VWC2: variants seen among roughly 807,000 people sequenced by gnomAD.
VWC2 encodes brorin.
VWC2 carries 14 observed loss-of-function variants against 29.8 expected under a neutral mutation model. The observed-to-expected ratio is 0.47, with a 90% CI of 0.31 to 0.74. The LOEUF is 0.74. Among genes scored for constraint, VWC2 ranks in the 30% least tolerant of loss-of-function variants. The pLI, the probability that VWC2 is intolerant of heterozygous loss-of-function variation, is 0.05. For missense variants in VWC2, 457 were observed against 459.8 expected (o/e 0.99, Z 0.05); for synonymous variants, 213 against 199.0 (o/e 1.07, Z -0.59).
At chr7:49,867,251 G>A (rs1323500274) in intron 3 of VWC2, among the ~76,000 whole-genome samples, 1 of 152,122 alleles carries the variant, frequency 6.6e-6, no homozygotes, top group Non-Finnish European at 1.5e-5. Flanking sequence ...ATATGATATT[G>A]ACCAAACTAT....
intron 3 of VWC2, among the ~76,000 whole-genome samples, chr7:49,862,868 T>C (rs1342889448): frequency 6.6e-6 from 1 of 152,220 alleles, no homozygotes; most frequent in East Asian, 1.9e-4. Context: ...GTATTCACTT[T>C]GCTACTGTTT....
chr7:49,876,732 A>G (rs1230806319), intron 3 of VWC2, among the ~76,000 whole-genome samples: 3 of 152,064 alleles, frequency 2.0e-5, no homozygotes, highest in Non-Finnish European at 2.9e-5. Flanking sequence ...TCTGTATTCA[A>G]TCATTACCTG....
chr7:49,786,815 T>C (rs1434316561), intron 2 of VWC2, among the ~76,000 whole-genome samples: 1 of 152,194 alleles, frequency 6.6e-6, no homozygotes, highest in African/African-American at 2.4e-5. Context: ...CTCTTGCCCA[T>C]TTTTTAATGG....
intron 3 of VWC2, among the ~76,000 whole-genome samples, chr7:49,871,485 G>A (rs892239120): frequency 6.6e-6 from 1 of 152,156 alleles, no homozygotes; most frequent in Non-Finnish European, 1.5e-5. Flanking sequence ...CTAAATCAGT[G>A]ACTTTGTTAC....
At chr7:49,788,576 T>G (rs989676226) in intron 2 of VWC2, among the ~76,000 whole-genome samples, 4 of 147,038 alleles carry the variant, frequency 2.7e-5, no homozygotes, top group Non-Finnish European at 6.0e-5. Context: ...AGTGTGGGCA[T>G]GTGCGACACC....
chr7:49,783,691 C>T (rs1788228519), intron 2 of VWC2, among the ~76,000 whole-genome samples: 2 of 152,174 alleles, frequency 1.3e-5, no homozygotes, highest in African/African-American at 4.8e-5. Flanking sequence ...TGTCAGGCCT[C>T]TGCCGAGGGC....
Position 49,917,793 on chromosome 7 carries a change from A to C in VWC2, c.*5608A>C, listed in dbSNP as rs182113349. The C allele has an allele frequency of 5.0e-4, 76 of 151,748 alleles. No individual in the cohort carries two copies. The highest frequency in any genetic ancestry group is 1.8e-3 in the African/African-American group (74 of 41,534). The allele number at this position is 151,748 out of a possible 1,614,324, so 9.4% of individuals were successfully genotyped here. On this transcript the variant is annotated 3_prime_UTR_variant, in exon 4 of 4. Coordinates refer to ENST00000340652, the MANE Select transcript of VWC2 (RefSeq NM_198570.5). The stretch of plus-strand genomic sequence containing the variant: ...ATGATTAATATTTTCTATTATTTGA[A>C]TTTCTGTAATTTATGTTTTAGAAAG...
chr7:49,805,324 G>A (rs767976399), intron 3 of VWC2, among the ~76,000 whole-genome samples: 2 of 152,066 alleles, frequency 1.3e-5, no homozygotes, highest in African/African-American at 2.4e-5. Context: ...GAAGGGAGAT[G>A]AATATGTTTT....
rs138562564 is a variant in VWC2 at position 49,854,840 on chromosome 7, A to G, written c.826+52000A>G. 2.0e-3 allele frequency among the ~76,000 whole-genome samples: 305 copies of G among 152,358 alleles called. 1 individual carries two copies. Among genetic ancestry groups the G allele is most frequent in the African/African-American group, 7.0e-3 (292 of 41,584 alleles). On this transcript the variant is annotated intron_variant, in intron 3 of 3. Coordinates refer to ENST00000340652, the MANE Select transcript of VWC2 (RefSeq NM_198570.5). ...TAGATAAATTGGTGCACTTGTCACA[A>G]CACCTGGAAGGGATGGCTGTTATCA...
chr7:49,853,591 A>AT (rs1790286410), intron 3 of VWC2, among the ~76,000 whole-genome samples: 1 of 152,134 alleles, frequency 6.6e-6, no homozygotes, highest in Non-Finnish European at 1.5e-5. Context: ...AAATGAAAGA[A>AT]TTTACATAAA....
intron 3 of VWC2, among the ~76,000 whole-genome samples, chr7:49,879,419 C>T (rs1025039259): frequency 6.6e-5 from 10 of 152,116 alleles, no homozygotes; most frequent in East Asian, 1.9e-4. Flanking sequence ...TTATCTTATC[C>T]GGAGAGGGTT....
chr7:49,877,481 A>AAAAAAATATACATATATATATATATATAT lies in VWC2; in HGVS notation c.827-34552_827-34551insAAAAATATACATATATATATATATATATA. 1.2e-3 allele frequency among the ~76,000 whole-genome samples: 15 copies of AAAAAAATATACATATATATATATATATAT among 12,724 alleles called. 5 individuals are homozygous for AAAAAAATATACATATATATATATATATAT. Among genetic ancestry groups the AAAAAAATATACATATATATATATATATAT allele is most frequent in the African/African-American group, 2.5e-3 (9 of 3,602 alleles). 8.3% of individuals were successfully genotyped at this position (12,724 alleles called of 152,430 possible). A position where few individuals can be genotyped will look rare whatever the true frequency, so the allele number is the denominator to read the frequency against. On this transcript the variant is annotated intron_variant, in intron 3 of 3. Transcript: ENST00000340652. ...CTGTCTCAAAAAAAAAAAAAAAAAA[A>AAAAAAATATACATATATATATATATATAT]ATATATATATATATATATATATATA...
chr7:49,852,752 C>A (rs774779583), intron 3 of VWC2, among the ~76,000 whole-genome samples: 8 of 152,130 alleles, frequency 5.3e-5, no homozygotes, highest in African/African-American at 7.2e-5. Context: ...TCTTAATCAA[C>A]TTCTTCCAAA....
At chr7:49,835,173 A>G (rs1053548025) in intron 3 of VWC2, among the ~76,000 whole-genome samples, 1 of 152,234 alleles carries the variant, frequency 6.6e-6, no homozygotes, top group Non-Finnish European at 1.5e-5. Context: ...ACTATAGGGT[A>G]GAGGACATAG....
At chr7:49,841,719 T>C (rs1789796693) in intron 3 of VWC2, among the ~76,000 whole-genome samples, 1 of 152,244 alleles carries the variant, frequency 6.6e-6, no homozygotes, top group Non-Finnish European at 1.5e-5. Context: ...TCCTACTTGA[T>C]GCCCTTGTCC....
intron 3 of VWC2, among the ~76,000 whole-genome samples, chr7:49,827,256 C>T (rs1789416168): frequency 1.3e-5 from 2 of 151,946 alleles, no homozygotes; most frequent in African/African-American, 4.8e-5. Flanking sequence ...TCAATTCTGA[C>T]ATTTTATACT....
At chr7:49,820,977 A>G (rs1789249513) in intron 3 of VWC2, among the ~76,000 whole-genome samples, 1 of 152,200 alleles carries the variant, frequency 6.6e-6, no homozygotes, top group Non-Finnish European at 1.5e-5. Flanking sequence ...CCACCTATGG[A>G]ACTACAGTCT....
At chr7:49,859,812 A>G (rs1583695912) in intron 3 of VWC2, among the ~76,000 whole-genome samples, 3 of 147,510 alleles carry the variant, frequency 2.0e-5, no homozygotes, top group East Asian at 1.9e-4. Context: ...ACACACACAC[A>G]CACACACACA....
chr7:49,865,926 T>C (rs1448422126), intron 3 of VWC2, among the ~76,000 whole-genome samples: 1 of 152,262 alleles, frequency 6.6e-6, no homozygotes, highest in Non-Finnish European at 1.5e-5. Context: ...CAAGCCCATT[T>C]GTCCAGTTGA....
Sources: gnomAD v4.1 joint callset for allele counts (sites outside exome capture counted in the v4.1 genomes callset) on GRCh38, gnomAD v4.1.1 for gene constraint, MANE v1.5 for transcripts, NCBI Gene and HGNC (gene_info 2026-07-23, HGNC 2026-07-21) for gene names.